Variants in FAAH2 observed in about 807,000 individuals in gnomAD.
FAAH2 encodes fatty-acid amide hydrolase 2.
FAAH2 carries 60 observed loss-of-function variants against 36.9 expected under a neutral mutation model. The observed-to-expected ratio is 1.63, with a 90% CI of 1.32 to 2.02. The LOEUF (loss-of-function observed/expected upper bound fraction) is 2.02, where lower values mean the gene tolerates loss of function less well. FAAH2 is among the 30% of genes most tolerant of loss of function. The pLI is 0.00. For synonymous variants in FAAH2, 214 were observed against 143.8 expected (o/e 1.49, Z -3.49); for missense variants, 689 against 397.5 (o/e 1.73, Z -6.23).
chrX:57,415,462 C>T (rs2055816544), intron 7 of FAAH2, among the ~76,000 whole-genome samples: 2 of 111,678 alleles, frequency 1.8e-5, no homozygotes, highest in South Asian at 7.5e-4. Context: ...TTCTTTACTT[C>T]TGCTTTAATT....
chrX:57,300,842 C>CA (rs2052336683), intron 2 of FAAH2, among the ~76,000 whole-genome samples: 1 of 111,714 alleles, frequency 9.0e-6, no homozygotes, highest in East Asian at 2.8e-4. Context: ...TTTATGCAGC[C>CA]AAAAAACACA....
intron 3 of FAAH2, among the ~76,000 whole-genome samples, chrX:57,327,805 G>T (rs1052075619): frequency 1.8e-5 from 2 of 111,445 alleles, no homozygotes; most frequent in South Asian, 3.8e-4. Context: ...TTAGCTTGCC[G>T]TAGTTTGATA....
the FAAH2 span, among the ~76,000 whole-genome samples, chrX:57,222,421 C>A: frequency 9.0e-6 from 1 of 111,483 alleles, no homozygotes; most frequent in African/African-American, 3.3e-5. Flanking sequence ...GTATTCTAAC[C>A]CAGTCTAAGG....
At chrX:57,402,044 GA>G (rs2055449837) in intron 7 of FAAH2, among the ~76,000 whole-genome samples, 1 of 111,508 alleles carries the variant, frequency 9.0e-6, no homozygotes, top group Non-Finnish European at 1.9e-5. Context: ...GTAAGACTGA[GA>G]AGGCTCTGCC....
At chrX:57,245,917 G>GA in the FAAH2 span, among the ~76,000 whole-genome samples, 1 of 110,610 alleles carries the variant, frequency 9.0e-6, no homozygotes, top group Non-Finnish European at 1.9e-5. Context: ...AGAACCCTTT[G>GA]AAAAATCAAT....
chrX:57,161,346 G>A, the FAAH2 span, among the ~76,000 whole-genome samples: 1 of 111,304 alleles, frequency 9.0e-6, no homozygotes, highest in African/African-American at 3.3e-5. Context: ...GTTGATTTGG[G>A]GTGGAGAGTT....
At chrX:57,423,455 A>G (rs943735240) in intron 7 of FAAH2, among the ~76,000 whole-genome samples, 1 of 111,245 alleles carries the variant, frequency 9.0e-6, no homozygotes, top group African/African-American at 3.3e-5. Flanking sequence ...GGACAATTTA[A>G]TGATCTGAAG....
chrX:57,351,952 C>A (rs1325288993), intron 5 of FAAH2, among the ~76,000 whole-genome samples: 1 of 94,383 alleles, frequency 1.1e-5, no homozygotes, highest in Admixed American at 1.2e-4. Context: ...TGAATTAATT[C>A]CAACTTCATC....
intron 7 of FAAH2, chrX:57,393,478 G>C (rs889350397): frequency 2.1e-5 from 20 of 935,390 alleles, no homozygotes; most frequent in Non-Finnish European, 2.9e-5. Flanking sequence ...CAACAAGCTA[G>C]AGTGTGATCC....
chrX:57,219,424 G>T, the FAAH2 span, among the ~76,000 whole-genome samples: 1 of 111,726 alleles, frequency 9.0e-6, no homozygotes, highest in Non-Finnish European at 1.9e-5. Context: ...ACAAAGGAAG[G>T]TCCTCAGCCT....
At chrX:57,168,950 G>T in the FAAH2 span, among the ~76,000 whole-genome samples, 1 of 111,704 alleles carries the variant, frequency 9.0e-6, no homozygotes, top group African/African-American at 3.3e-5. Flanking sequence ...AGACTGAGTA[G>T]CTTAAATAAC....
chrX:57,436,512 A>T (rs1602657279), intron 8 of FAAH2, among the ~76,000 whole-genome samples: 1 of 109,746 alleles, frequency 9.1e-6, no homozygotes, highest in African/African-American at 3.3e-5. Flanking sequence ...AGAGATTACA[A>T]CAAAATCAGA....
intron 10 of FAAH2, among the ~76,000 whole-genome samples, chrX:57,481,676 G>T (rs1459056365): frequency 9.0e-6 from 1 of 111,625 alleles, no homozygotes; most frequent in Non-Finnish European, 1.9e-5. Flanking sequence ...AGTGTCCTTC[G>T]ACCCCTGTTG....
At chrX:57,433,959 T>C (rs1602649360) in intron 8 of FAAH2, among the ~76,000 whole-genome samples, 1 of 111,899 alleles carries the variant, frequency 8.9e-6, no homozygotes, top group Admixed American at 9.6e-5. Flanking sequence ...AGAAATGTAC[T>C]ATAACACTCT....
intron 8 of FAAH2, among the ~76,000 whole-genome samples, chrX:57,434,614 T>C (rs1051835956): frequency 1.8e-5 from 2 of 109,616 alleles, no homozygotes; most frequent in African/African-American, 6.6e-5. Flanking sequence ...TAAAGACAAA[T>C]GAACAAAGCC....
rs376050469 is a variant in FAAH2, at chrX:57,331,807, G to A, written c.622G>A (p.Gly208Ser). ...DLQHIVGGSS[G>S]GEGCTLAAAC... ...ACAGCATATTGTAGGTGGAAGTTCT[G>A]GTGAGTTGGACATTTTAGTATGGCA... The change falls in exon 4 of 11, where the codon GGT becomes AGT. Residue 208 changes from glycine (G) to serine (S), a missense_variant and splice_region_variant. Gly to Ser is a moderately conservative substitution (Grantham distance 56). Transcript: ENST00000374900. 1 of 1,206,027 alleles carries A rather than the reference G, an allele frequency of 8.3e-7. No individual in the cohort carries two copies. Among genetic ancestry groups the A allele is most frequent in the African/African-American group, 1.8e-5 (1 of 57,087 alleles).
At chrX:57,360,253 T>A (rs1293295234) in intron 5 of FAAH2, among the ~76,000 whole-genome samples, 1 of 111,146 alleles carries the variant, frequency 9.0e-6, no homozygotes, top group Non-Finnish European at 1.9e-5. Flanking sequence ...TTTGGCCTTC[T>A]TTCTTCAAAT....
At chrX:57,263,026 C>T in the FAAH2 span, among the ~76,000 whole-genome samples, 16 of 111,274 alleles carry the variant, frequency 1.4e-4, no homozygotes, top group Admixed American at 1.5e-3. Context: ...AGTGTGAGAG[C>T]TTTTCCCCTA....
At chrX:57,213,575 TATC>T in the FAAH2 span, among the ~76,000 whole-genome samples, 1 of 112,036 alleles carries the variant, frequency 8.9e-6, no homozygotes, top group Non-Finnish European at 1.9e-5. Flanking sequence ...ATTTTTATTT[TATC>T]ATCAATCAAA....
Sources: allele counts gnomAD v4.1 joint callset (sites outside exome capture counted in the v4.1 genomes callset), GRCh38; gene constraint gnomAD v4.1.1; transcripts MANE v1.5; gene names NCBI Gene and HGNC (gene_info 2026-07-23, HGNC 2026-07-21).